The following ERCC5 variants were observed in gnomAD, a reference collection of about 807,000 sequenced individuals.
The protein encoded by ERCC5 is ERCC excision repair 5, endonuclease.
Under a neutral mutation model 105.6 loss-of-function variants are expected in ERCC5, and 68 were observed. The ratio of observed to expected loss-of-function variants is 0.64; its 90% CI spans 0.53 to 0.79. ERCC5 has a LOEUF of 0.79. ERCC5 is among the 30% of genes least tolerant of loss of function. The probability of loss-of-function intolerance (pLI) is 0.00; values close to 1 mark genes in which losing one functional copy is unlikely to be tolerated. For missense variants in ERCC5, 1,373 were observed against 1,426.7 expected, an observed-to-expected ratio of 0.96 and a Z score of 0.61; for synonymous variants, 546 against 526.2, an observed-to-expected ratio of 1.04 and a Z score of -0.51.
At chr13:102,866,964 AT>A in intron 11 of ERCC5, 119 bp downstream of exon 11, 3 of 1,054,900 alleles carry the variant, frequency 2.8e-6, no homozygotes, top group Non-Finnish European at 4.1e-6. Context: ...GTCTATGCAA[AT>A]TTTTATATGA....
intron 13 of ERCC5, 55 bp from the exon 14 acceptor site, chr13:102,873,203 AT>A: frequency 6.2e-7 from 1 of 1,609,730 alleles, no homozygotes; most frequent in Admixed American, 1.7e-5. Flanking sequence ...GGACCTTTTT[AT>A]TTGTCACTTG....
chr13:102,854,657 C>T (rs994571391), intron 4 of ERCC5, among the ~76,000 whole-genome samples: 2 of 152,198 alleles, frequency 1.3e-5, no homozygotes, highest in Non-Finnish European at 2.9e-5. Context: ...GTTTTGCTTA[C>T]ACTTTGCTTA....
chr13:102,852,965 A>AC (rs1264209878), intron 2 of ERCC5, among the ~76,000 whole-genome samples: 1 of 152,230 alleles, frequency 6.6e-6, no homozygotes, highest in Non-Finnish European at 1.5e-5. Flanking sequence ...GACAGCACCC[A>AC]TTTGGATATA....
chr13:102,866,149 C>T (rs1216499664), intron 9 of ERCC5, 113 bp from the exon 10 acceptor site: 17 of 1,531,372 alleles, frequency 1.1e-5, no homozygotes, highest in Non-Finnish European at 1.4e-5. Flanking sequence ...TGGAGTACTT[C>T]CTAAGGAGAA....
intron 5 of ERCC5, among the ~76,000 whole-genome samples, chr13:102,857,667 A>G (rs1332521408): frequency 6.6e-6 from 1 of 152,166 alleles, no homozygotes; most frequent in Non-Finnish European, 1.5e-5. Context: ...GCAAAATAAA[A>G]CTAACTTAAT....
At position 102,862,597 on chromosome 13, in the gene ERCC5, C is replaced by T. The variant is rs770418501; in HGVS notation, c.1448C>T (p.Thr483Ile). Residue 483 changes from threonine to isoleucine, a missense_variant, in exon 8 of 15, where the codon ACT becomes ATT. Physicochemically the swap from Thr to Ile is moderately conservative, Grantham distance 89. Around this residue, in one of 3 missense-constraint regions of ERCC5, gnomAD observed 1,004 missense variants for 1,059.7 expected, o/e 0.95. Transcript: ENST00000652225. ...KEQMSLVHVG[T>I]EAFPISDESM... Reference sequence around the variant, plus strand: ...CAAATGTCACTTGTTCACGTGGGGACTGAAGCCTTTCCGATAAGTGATGAG... The same window carrying T: ...CAAATGTCACTTGTTCACGTGGGGATTGAAGCCTTTCCGATAAGTGATGAG... 4.3e-6 allele frequency: 7 copies of T among 1,614,002 alleles called. No individual in the cohort carries two copies. In the South Asian group the frequency reaches 7.7e-5, roughly 18 times the overall value.
intron 10 of ERCC5, 43 bp from the exon 11 acceptor site, chr13:102,866,589 G>A (rs776505038): frequency 5.0e-6 from 8 of 1,609,876 alleles, no homozygotes; most frequent in South Asian, 3.3e-5. Flanking sequence ...AGGGCCTGGC[G>A]GTGCCCTTCC....
intron 12 of ERCC5, among the ~76,000 whole-genome samples, chr13:102,869,558 C>T (rs1286931465): frequency 6.6e-6 from 1 of 151,786 alleles, no homozygotes; most frequent in East Asian, 1.9e-4. Context: ...TTTTATTTTA[C>T]CTGTAACCCA....
chr13:102,864,126 C>CCCCACACA (rs1555326403), intron 8 of ERCC5, among the ~76,000 whole-genome samples: 2 of 140,918 alleles, frequency 1.4e-5, no homozygotes, highest in African/African-American at 5.4e-5. Flanking sequence ...AGAGAATCAA[C>CCCCACACA]CACACACACA....
intron 6 of ERCC5, among the ~76,000 whole-genome samples, chr13:102,859,984 C>T (rs1882562133): frequency 6.6e-6 from 1 of 152,184 alleles, no homozygotes; most frequent in Non-Finnish European, 1.5e-5. Flanking sequence ...CTCACACCCT[C>T]CTGCTCCATC....
Position 102,872,255 on chromosome 13 carries a change from C to G in ERCC5, c.2736C>G (p.Thr912=). The change falls in exon 13 of 15, where the codon ACC becomes ACG. Residue 912 remains threonine (T), a synonymous_variant. Transcript: ENST00000652225. Reference sequence around the variant, plus strand: ...AGATAAGACCTAATCCTCATGACACCAAAGTGAAAAAAAAATTACGGACAT... The same window carrying G: ...AGATAAGACCTAATCCTCATGACACGAAAGTGAAAAAAAAATTACGGACAT... ...NPKIRPNPHD[T]KVKKKLRTLQ... 2 of 1,613,856 alleles carry G rather than the reference C, an allele frequency of 1.2e-6. No individual in the cohort carries two copies. Among genetic ancestry groups the G allele is most frequent in the South Asian group, 2.2e-5 (2 of 91,068 alleles).
chr13:102,848,675 C>T (rs538718959), intron 1 of ERCC5, among the ~76,000 whole-genome samples: 95 of 152,032 alleles, frequency 6.2e-4, no homozygotes, highest in African/African-American at 2.0e-3. Context: ...CTTTTCTGTC[C>T]GCAGAAATTT....
chr13:102,846,494 T>C, intron 1 of ERCC5, 140 bp downstream of exon 1: 1 of 753,122 alleles, frequency 1.3e-6, no homozygotes, highest in Non-Finnish European at 2.3e-6. Context: ...TCTCTGTCAC[T>C]AGGTTTTCTA....
intron 12 of ERCC5, among the ~76,000 whole-genome samples, chr13:102,870,307 G>A (rs1192257184): frequency 1.3e-5 from 2 of 152,194 alleles, no homozygotes; most frequent in African/African-American, 4.8e-5. Context: ...GGGGAAAAAG[G>A]AGAGCTGAAA....
chr13:102,854,734 A>C (rs1182129521), intron 4 of ERCC5, among the ~76,000 whole-genome samples: 1 of 152,192 alleles, frequency 6.6e-6, no homozygotes, highest in African/African-American at 2.4e-5. Flanking sequence ...AAAATACCAC[A>C]ACCCATGACA....
intron 1 of ERCC5, among the ~76,000 whole-genome samples, chr13:102,848,028 C>G (rs1241117438): frequency 2.0e-5 from 3 of 152,138 alleles, no homozygotes; most frequent in Non-Finnish European, 4.4e-5. Flanking sequence ...ACGTGGTGGC[C>G]TGCACCTTTG....
At position 102,862,277 on chromosome 13, in the gene ERCC5, TG is replaced by T. The variant is rs1341902350; in HGVS notation, c.1129del (p.Ala377LeufsTer2). 6.2e-7 allele frequency: 1 copy of T among 1,614,138 alleles called. No individual in the cohort carries two copies. The highest frequency in any genetic ancestry group is 8.5e-7 in the Non-Finnish European group (1 of 1,180,032). On this transcript the variant is annotated frameshift_variant, in exon 8 of 15. Coordinates refer to ENST00000652225, the MANE Select transcript of ERCC5 (RefSeq NM_000123.4). LOFTEE classifies it high-confidence loss of function. ...RQARGRNAPA[A>X]VDEGSISPRT... ...AGGCCCGTGGGAGGAACGCACCTGC[TG>T]CTGTAGACGAAGGCTCCATATCACC...
intron 5 of ERCC5, among the ~76,000 whole-genome samples, chr13:102,856,548 T>C (rs1048414067): frequency 3.3e-5 from 5 of 152,278 alleles, no homozygotes; most frequent in Non-Finnish European, 7.3e-5. Context: ...TATATATGTG[T>C]ACACATATGT....
In ERCC5 at chr13:102,862,985, G is replaced by T; in HGVS notation, c.1836G>T (p.Glu612Asp). Reference sequence around the variant, plus strand: ...TGTCATTTAATGCTAAAGAGCATGAGAATTTTCTGGAAACCATCCAAGAAC... The same window carrying T: ...TGTCATTTAATGCTAAAGAGCATGATAATTTTCTGGAAACCATCCAAGAAC... ...NVVSFNAKEH[E>D]NFLETIQEQQ... The change falls in exon 8 of 15, where the codon GAG (glutamate) becomes GAT (aspartate). Residue 612 changes from glutamate (E) to aspartate (D), a missense_variant. Physicochemically the swap from Glu to Asp is conservative, Grantham distance 45. This residue lies in a region of ERCC5 where 1,004 missense variants were observed against 1,059.7 expected (regional missense o/e 0.95). Coordinates refer to ENST00000652225, the MANE Select transcript of ERCC5 (RefSeq NM_000123.4). 1 of 1,614,186 alleles carries T rather than the reference G, an allele frequency of 6.2e-7. No homozygotes were observed. The highest frequency in any genetic ancestry group is 8.5e-7 in the Non-Finnish European group (1 of 1,180,038).
Sources: gnomAD v4.1 joint callset for allele counts (sites outside exome capture counted in the v4.1 genomes callset) on GRCh38, gnomAD v4.1.1 for gene constraint, gnomAD v4.1.1 regional missense constraint, MANE v1.5 for transcripts, NCBI Gene and HGNC (gene_info 2026-07-23, HGNC 2026-07-21) for gene names.